The following FCGRT variants were observed in gnomAD, a reference collection of about 807,000 sequenced individuals.
FCGRT encodes Fc gamma receptor and transporter.
Under a neutral mutation model 35.7 loss-of-function variants are expected in FCGRT, and 13 were observed. The ratio of observed to expected loss-of-function variants is 0.36; its 90% CI spans 0.24 to 0.58. The LOEUF is 0.58. Among genes scored for constraint, FCGRT ranks in the 20% least tolerant of loss-of-function variants. The probability of loss-of-function intolerance (pLI) is 0.77; values close to 1 mark genes in which losing one functional copy is unlikely to be tolerated. For missense variants in FCGRT, 455 were observed against 474.9 expected (o/e 0.96, Z 0.39); for synonymous variants, 233 against 216.5 (o/e 1.08, Z -0.67).
Position 49,514,266 on chromosome 19 carries a change from G to C in FCGRT, c.381G>C (p.Ser127=), listed in dbSNP as rs2079992702. The C allele has an allele frequency of 1.4e-5, 22 of 1,610,374 alleles. No individual in the cohort carries two copies. The highest frequency in any genetic ancestry group is 1.9e-5 in the Non-Finnish European group (22 of 1,178,610). The change falls in exon 4 of 7, where the codon TCG becomes TCC. Residue 127 remains serine, a synonymous_variant. Coordinates refer to ENST00000221466, the MANE Select transcript of FCGRT (RefSeq NM_001136019.3). ...GTGAACTGGGCCCTGACAACACCTC[G>C]GTGCCCACCGCCAAGTTCGCCCTGA... ...LGCELGPDNT[S]VPTAKFALNG... is the part of the protein sequence containing the mutation.
chr19:49,526,003 T>C lies in FCGRT; in HGVS notation c.989-7T>C, dbSNP rs1302378047. The C allele has an allele frequency of 2.5e-6, 4 of 1,578,812 alleles. No individual in the cohort carries two copies. The highest frequency in any genetic ancestry group is 1.7e-5 in the Admixed American group (1 of 59,954). On this transcript the variant is annotated splice_region_variant and splice_polypyrimidine_tract_variant and intron_variant, in intron 6 of 6. Coordinates refer to ENST00000221466, the MANE Select transcript of FCGRT (RefSeq NM_001136019.3). ...CTGATGACCTCTCCCTCTCTCTCTC[T>C]CCTCAGCCCCTTGGATCTCCCTTCG...
intron 2 of FCGRT, 33 bp downstream of exon 2, chr19:49,513,506 A>T: frequency 8.2e-7 from 1 of 1,218,072 alleles, no homozygotes; most frequent in Non-Finnish European, 1.0e-6. Flanking sequence ...GCCCTGCTGC[A>T]GGCGGGCGGC....
rs1384668861 is a variant in FCGRT at position 49,514,407 on chromosome 19, G to A, written c.522G>A (p.Glu174=). Residue 174 remains glutamate (E), a synonymous_variant, in exon 4 of 7, where the codon GAG becomes GAA. Coordinates refer to ENST00000221466, the MANE Select transcript of FCGRT (RefSeq NM_001136019.3). ...AGCAGGACAAGGCGGCCAACAAGGA[G>A]CTCACCTTCCTGCTATTCTCCTGCC... ...WQQQDKAANK[E]LTFLLFSCPH... is the part of the protein sequence containing the mutation. 1 of 1,604,908 alleles carries A rather than the reference G, an allele frequency of 6.2e-7. No individual in the cohort carries two copies. The highest frequency in any genetic ancestry group is 8.5e-7 in the Non-Finnish European group (1 of 1,173,526).
At position 49,514,416 on chromosome 19, in the gene FCGRT, C is replaced by T. The variant is rs2122663909; in HGVS notation, c.531C>T (p.Phe177=). The change falls in exon 4 of 7, where the codon TTC becomes TTT. Residue 177 remains phenylalanine (F), a synonymous_variant. Coordinates refer to ENST00000221466, the MANE Select transcript of FCGRT (RefSeq NM_001136019.3). The part of the protein sequence containing the change: ...QDKAANKELT[F]LLFSCPHRLR... ...AGGCGGCCAACAAGGAGCTCACCTT[C>T]CTGCTATTCTCCTGCCCGCACCGCC... 1 of 1,600,994 alleles carries T rather than the reference C, an allele frequency of 6.2e-7. No homozygotes were observed. The highest frequency in any genetic ancestry group is 1.1e-5 in the South Asian group (1 of 90,078).
At chr19:49,513,787 C>A in intron 2 of FCGRT, 95 bp from the exon 3 acceptor site, 2 of 986,144 alleles carry the variant, frequency 2.0e-6, no homozygotes, top group East Asian at 3.1e-5. Context: ...GTCCCCCTCC[C>A]TCCATAATAG....
intron 4 of FCGRT, among the ~76,000 whole-genome samples, chr19:49,523,610 C>T (rs2080055001): frequency 6.6e-6 from 1 of 150,838 alleles, no homozygotes; most frequent in Non-Finnish European, 1.5e-5. Flanking sequence ...CCTGTAATCC[C>T]AACACTTTGG....
Position 49,514,528 on chromosome 19 carries a change from C to G in FCGRT, c.601+42C>G, listed in dbSNP as rs2079995299. The G allele has an allele frequency of 2.7e-6, 4 of 1,498,632 alleles. No homozygotes were observed. The East Asian group carries it at 9.2e-5, about 35-fold the overall frequency. The allele number at this position is 1,498,632 out of a possible 1,614,324, so 92.8% of individuals were successfully genotyped here. A position where few individuals can be genotyped will look rare whatever the true frequency, so the allele number is the denominator to read the frequency against. On this transcript the variant is annotated intron_variant, in intron 4 of 6. Transcript: ENST00000221466. ...GCCGCAGGCTGTTCTGTCCTCTCTCCCGTCATGCCCACCTGCCTCAGTTCC... is the reference window on the plus strand; with the variant it reads ...GCCGCAGGCTGTTCTGTCCTCTCTCGCGTCATGCCCACCTGCCTCAGTTCC...
chr19:49,514,091 G>A lies in FCGRT; in HGVS notation c.283G>A (p.Glu95Lys), dbSNP rs571119864. ...EKETTDLRIK[E>K]KLFLEAFKAL... is the part of the protein sequence containing the mutation. ...AGAGACCACAGATCTGAGGATCAAG[G>A]AGAAGCTCTTTCTGGAAGCTTTCAA... Residue 95 changes from glutamate (E) to lysine (K), a missense_variant, in exon 3 of 7, where the codon GAG becomes AAG. Around this residue, in one of 3 missense-constraint regions of FCGRT, gnomAD observed 136 missense variants for 158.9 expected, o/e 0.86. Transcript: ENST00000221466. The A allele has an allele frequency of 6.2e-7, 1 of 1,611,986 alleles. No homozygotes were observed. The highest frequency in any genetic ancestry group is 2.2e-5 in the East Asian group (1 of 44,860).
intron 4 of FCGRT, among the ~76,000 whole-genome samples, chr19:49,514,987 T>C (rs1400147531): frequency 6.7e-6 from 1 of 149,600 alleles, no homozygotes; most frequent in Non-Finnish European, 1.5e-5. Context: ...CTACTGCTCC[T>C]GGCTCCCCCC....
chr19:49,513,074 C>A (rs1323557427), intron 1 of FCGRT: 1 of 94,452 alleles, frequency 1.1e-5, no homozygotes, highest in Non-Finnish European at 1.8e-5. Context: ...CTCCTGGGTC[C>A]GAGGGAAGAG....
intron 4 of FCGRT, among the ~76,000 whole-genome samples, chr19:49,520,167 G>T (rs1288188681): frequency 1.8e-5 from 2 of 109,370 alleles, no homozygotes; most frequent in Admixed American, 2.2e-4. Context: ...GTCTCCCTCT[G>T]TCACCAGGCT....
At chr19:49,523,425 G>A (rs1039937925) in intron 4 of FCGRT, among the ~76,000 whole-genome samples, 3 of 151,810 alleles carry the variant, frequency 2.0e-5, no homozygotes, top group Admixed American at 2.0e-4. Context: ...AAATTACCCG[G>A]CATGGTGGTG....
At chr19:49,519,428 TA>T (rs1235653337) in intron 4 of FCGRT, among the ~76,000 whole-genome samples, 1 of 152,192 alleles carries the variant, frequency 6.6e-6, no homozygotes, top group African/African-American at 2.4e-5. Flanking sequence ...TAATTTGAGT[TA>T]CTTGTGATCT....
intron 1 of FCGRT, among the ~76,000 whole-genome samples, 167 bp downstream of exon 1, chr19:49,512,917 T>TGAGGGAG (rs1244986896): frequency 4.3e-3 from 115 of 26,556 alleles, no homozygotes; most frequent in Non-Finnish European, 7.2e-3. Flanking sequence ...ACGCTGGGTC[T>TGAGGGAG]GAGGGAGGAG....
rs1410027736 is a variant in FCGRT, at chr19:49,519,879, G to A, written c.602-4628G>A. Among the ~76,000 whole-genome samples, 3 of 142,384 alleles carry A rather than the reference G, an allele frequency of 2.1e-5. No individual in the cohort carries two copies. In the Admixed American group the frequency reaches 2.2e-4, roughly 11 times the overall value. The allele number at this position is 142,384 out of a possible 152,430, so 93.4% of individuals were successfully genotyped here. The stretch of plus-strand genomic sequence containing the variant: ...GGAGTCTTGCTCTGTCGCCCAGGCT[G>A]GAGTGCAGTGTTGCGATCTTGGCTC... On this transcript the variant is annotated intron_variant, in intron 4 of 6. Coordinates refer to ENST00000221466, the MANE Select transcript of FCGRT (RefSeq NM_001136019.3).
rs1018473117 is a variant in FCGRT, at chr19:49,514,542, T to G, written c.601+56T>G. The stretch of plus-strand genomic sequence containing the variant: ...TGTCCTCTCTCCCGTCATGCCCACC[T>G]GCCTCAGTTCCCCTGCCAGGACCCT... On this transcript the variant is annotated intron_variant, in intron 4 of 6. Coordinates refer to ENST00000221466, the MANE Select transcript of FCGRT (RefSeq NM_001136019.3). The G allele has an allele frequency of 2.0e-6, 3 of 1,470,506 alleles. No homozygotes were observed. The African/African-American group carries it at 4.2e-5, about 21-fold the overall frequency. The allele number at this position is 1,470,506 out of a possible 1,614,324, so 91.1% of individuals were successfully genotyped here.
At chr19:49,522,646 C>T (rs1002798196) in intron 4 of FCGRT, among the ~76,000 whole-genome samples, 1 of 151,076 alleles carries the variant, frequency 6.6e-6, no homozygotes, top group East Asian at 2.0e-4. Flanking sequence ...GTTGGTCAGG[C>T]TGGTCTCGAC....
chr19:49,514,097 C>T lies in FCGRT; in HGVS notation c.289C>T (p.Leu97Phe). Reference sequence around the variant, plus strand: ...CACAGATCTGAGGATCAAGGAGAAGCTCTTTCTGGAAGCTTTCAAAGCTTT... The same window carrying T: ...CACAGATCTGAGGATCAAGGAGAAGTTCTTTCTGGAAGCTTTCAAAGCTTT... ...ETTDLRIKEK[L>F]FLEAFKALGG... The change falls in exon 3 of 7, where the codon CTC becomes TTC. Residue 97 changes from leucine to phenylalanine, a missense_variant. Around this residue, in one of 3 missense-constraint regions of FCGRT, gnomAD observed 136 missense variants for 158.9 expected, o/e 0.86. Coordinates refer to ENST00000221466, the MANE Select transcript of FCGRT (RefSeq NM_001136019.3). The T allele has an allele frequency of 6.2e-7, 1 of 1,612,152 alleles. No homozygotes were observed. The highest frequency in any genetic ancestry group is 8.5e-7 in the Non-Finnish European group (1 of 1,179,960).
chr19:49,524,984 C>G, intron 5 of FCGRT: 1 of 691,272 alleles, frequency 1.4e-6, no homozygotes, highest in Non-Finnish European at 2.6e-6. Context: ...TGCTTCTGGC[C>G]TCACTGAGTC....
Sources: gnomAD v4.1 joint callset for allele counts (sites outside exome capture counted in the v4.1 genomes callset) on GRCh38, gnomAD v4.1.1 for gene constraint, gnomAD v4.1.1 regional missense constraint, MANE v1.5 for transcripts, NCBI Gene and HGNC (gene_info 2026-07-23, HGNC 2026-07-21) for gene names.